Variants in FBN2 observed in about 807,000 individuals in gnomAD.
The protein encoded by FBN2 is fibrillin-2.
FBN2 carries 105 observed loss-of-function variants against 355.6 expected under a neutral mutation model. The observed-to-expected ratio is 0.30, with a 90% confidence interval of 0.25 to 0.35. The LOEUF is 0.35. FBN2 is among the 10% of genes least tolerant of loss of function. The pLI, the probability that FBN2 is intolerant of heterozygous loss-of-function variation, is 1.00. For missense variants in FBN2, 3,280 were observed against 3,758.7 expected (o/e 0.87, Z 3.33); for synonymous variants, 1,350 against 1,301.2 (o/e 1.04, Z -0.81).
At chr5:128,456,643 C>A (rs745945217) in intron 6 of FBN2, among the ~76,000 whole-genome samples, 3 of 151,884 alleles carry the variant, frequency 2.0e-5, no homozygotes, top group Non-Finnish European at 4.4e-5. Flanking sequence ...GTCATGGGGG[C>A]GAATCAGATG....
intron 8 of FBN2, among the ~76,000 whole-genome samples, chr5:128,407,679 T>C (rs959398644): frequency 4.6e-5 from 7 of 152,210 alleles, no homozygotes; most frequent in African/African-American, 1.2e-4. Context: ...TGACCTGATA[T>C]ATCAGTACAT....
chr5:128,303,523 T>A (rs1441241063), intron 45 of FBN2, among the ~76,000 whole-genome samples: 1 of 139,100 alleles, frequency 7.2e-6, no homozygotes, highest in Admixed American at 6.8e-5. Context: ...TTTAGTTTAC[T>A]TAATTGTATG....
intron 62 of FBN2, among the ~76,000 whole-genome samples, chr5:128,266,826 A>ATATTAT (rs1016407830): frequency 1.3e-5 from 2 of 150,642 alleles, no homozygotes; most frequent in Non-Finnish European, 3.0e-5. Context: ...AAATTGTTTT[A>ATATTAT]TATTATTATT....
chr5:128,311,183 A>G (rs1750046328), intron 39 of FBN2, 117 bp downstream of exon 39: 2 of 1,069,336 alleles, frequency 1.9e-6, no homozygotes, highest in East Asian at 2.5e-5. Flanking sequence ...AAAAAAAGCT[A>G]TGAACCAATC....
intron 8 of FBN2, among the ~76,000 whole-genome samples, chr5:128,408,138 C>T (rs1038897497): frequency 6.6e-6 from 1 of 152,210 alleles, no homozygotes; most frequent in African/African-American, 2.4e-5. Flanking sequence ...TCTCTATGCT[C>T]GCAATAAGAC....
At chr5:128,346,568 T>C (rs1751186995) in intron 23 of FBN2, among the ~76,000 whole-genome samples, 1 of 152,246 alleles carries the variant, frequency 6.6e-6, no homozygotes, top group Non-Finnish European at 1.5e-5. Flanking sequence ...GGTAATGAGT[T>C]ACATTTCTGA....
Position 128,528,024 on chromosome 5 carries a change from T to C in FBN2, c.437-57A>G, listed in dbSNP as rs553253356. The C allele has an allele frequency of 1.6e-5, 18 of 1,108,674 alleles. No individual in the cohort carries two copies. The African/African-American group carries it at 2.3e-4, about 14-fold the overall frequency. The allele number at this position is 1,108,674 out of a possible 1,614,324, so 68.7% of individuals were successfully genotyped here. ...CATCAGTCATCAAAATTATAGTATA[T>C]GTGAGAGGTTATAAAACTATAAACT... On this transcript the variant is annotated intron_variant, in intron 3 of 64. Transcript: ENST00000262464.
chr5:128,368,420 G>A (rs199738897), intron 16 of FBN2, among the ~76,000 whole-genome samples: 54 of 124,504 alleles, frequency 4.3e-4, no homozygotes, highest in African/African-American at 1.0e-3. Context: ...GTGTGTGTGT[G>A]TATATATATA....
At chr5:128,335,087 C>T (rs1750798898) in intron 30 of FBN2, 83 bp downstream of exon 30, 1 of 1,574,724 alleles carries the variant, frequency 6.4e-7, no homozygotes, top group Admixed American at 1.7e-5. Context: ...CAGAAAAAGC[C>T]TTCCTTTTAT....
At chr5:128,345,836 T>G (rs1170036629) in intron 23 of FBN2, among the ~76,000 whole-genome samples, 1 of 152,216 alleles carries the variant, frequency 6.6e-6, no homozygotes, top group East Asian at 1.9e-4. Flanking sequence ...ATGAGATGAC[T>G]GCTTCATGTC....
At chr5:128,278,303 A>G (rs1015755841) in intron 57 of FBN2, among the ~76,000 whole-genome samples, 1 of 152,208 alleles carries the variant, frequency 6.6e-6, no homozygotes, top group African/African-American at 2.4e-5. Context: ...ACCCCCTCAA[A>G]GTCCATCCCT....
chr5:128,301,044 T>C, intron 47 of FBN2, 108 bp from the exon 48 acceptor site: 2 of 981,094 alleles, frequency 2.0e-6, no homozygotes, highest in Non-Finnish European at 3.1e-6. Context: ...GGTCCTCTGA[T>C]CTACTGGGTC....
At chr5:128,364,793 T>TTTACTAGACCTGC in intron 17 of FBN2, 68 bp from the exon 18 acceptor site, 4 of 1,340,646 alleles carry the variant, frequency 3.0e-6, no homozygotes, top group Non-Finnish European at 4.3e-6. Flanking sequence ...AATGCAGGTC[T>TTTACTAGACCTGC]AGTAAAGACC....
At position 128,301,461 on chromosome 5, in the gene FBN2, A is replaced by G; in HGVS notation, c.5967T>C (p.Arg1989=). The G allele has an allele frequency of 6.2e-7, 1 of 1,613,516 alleles. No homozygotes were observed. Among genetic ancestry groups the G allele is most frequent in the Non-Finnish European group, 8.5e-7 (1 of 1,179,626 alleles). ...SFFGQVCRNG[R]CFNEIGSFKC... is the part of the protein sequence containing the mutation. Reference sequence around the variant, plus strand: ...TGAAAGAACCAATTTCATTAAAACAACGTCCATTTCTGCACACCTGACCAA... The same window carrying G: ...TGAAAGAACCAATTTCATTAAAACAGCGTCCATTTCTGCACACCTGACCAA... Residue 1989 remains arginine (R), a synonymous_variant, in exon 47 of 65, where the codon CGT becomes CGC. Coordinates refer to ENST00000262464, the MANE Select transcript of FBN2 (RefSeq NM_001999.4).
chr5:128,302,924 T>G, intron 46 of FBN2, 49 bp downstream of exon 46: 1 of 1,039,814 alleles, frequency 9.6e-7, no homozygotes, highest in Non-Finnish European at 1.5e-6. Flanking sequence ...TTTCAGCACA[T>G]TGTGTGGAAA....
At position 128,364,673 on chromosome 5, in the gene FBN2, T is replaced by C. The variant is rs1292992206; in HGVS notation, c.2355A>G (p.Glu785=). 6.2e-7 allele frequency: 1 copy of C among 1,613,404 alleles called. No individual in the cohort carries two copies. Among genetic ancestry groups the C allele is most frequent in the Non-Finnish European group, 8.5e-7 (1 of 1,179,402 alleles). ...TACAACGGTAACTACCACGTAAGTT[T>C]TCACAAATCCCATTGGCACATATAT... The part of the protein sequence containing the change: ...DPDICANGIC[E]NLRGSYRCNC... The change falls in exon 18 of 65, where the codon GAA becomes GAG. Residue 785 remains glutamate, a synonymous_variant. Coordinates refer to ENST00000262464, the MANE Select transcript of FBN2 (RefSeq NM_001999.4).
At chr5:128,505,320 C>G (rs894711794) in intron 5 of FBN2, among the ~76,000 whole-genome samples, 6 of 152,110 alleles carry the variant, frequency 3.9e-5, no homozygotes, top group African/African-American at 1.2e-4. Flanking sequence ...AAGATGTGCA[C>G]AATGATTCTG....
At chr5:128,421,841 C>T (rs920763311) in intron 7 of FBN2, among the ~76,000 whole-genome samples, 3 of 152,110 alleles carry the variant, frequency 2.0e-5, no homozygotes, top group African/African-American at 4.8e-5. Context: ...ATATTTAGAA[C>T]CTATCAGTAT....
At chr5:128,501,967 C>T (rs912554766) in intron 5 of FBN2, among the ~76,000 whole-genome samples, 2 of 152,154 alleles carry the variant, frequency 1.3e-5, no homozygotes, top group Admixed American at 6.5e-5. Flanking sequence ...AGGAAGAAGA[C>T]TATCATTCCA....
Sources: allele counts gnomAD v4.1 joint callset (sites outside exome capture counted in the v4.1 genomes callset), GRCh38; gene constraint gnomAD v4.1.1; transcripts MANE v1.5; gene names NCBI Gene and HGNC (gene_info 2026-07-23, HGNC 2026-07-21).